ABCC8: variants seen among roughly 807,000 people sequenced by gnomAD.
ABCC8 encodes the protein ATP-binding cassette sub-family C member 8.
Under a neutral mutation model 188.0 loss-of-function variants are expected in ABCC8, and 137 were observed. That is an observed-to-expected ratio of 0.73 (90% CI 0.63 to 0.84). ABCC8 has a LOEUF of 0.84. Among genes scored for constraint, ABCC8 ranks in the 40% least tolerant of loss-of-function variants. The pLI is 0.00. For synonymous variants in ABCC8, 797 were observed against 846.5 expected, an observed-to-expected ratio of 0.94 and a Z score of 1.01; for missense variants, 1,750 against 2,072.7, an observed-to-expected ratio of 0.84 and a Z score of 3.02.
chr11:17,466,051 GC>G (rs1441857655), intron 3 of ABCC8, among the ~76,000 whole-genome samples: 3 of 152,146 alleles, frequency 2.0e-5, no homozygotes, highest in Admixed American at 2.0e-4. Context: ...TTCAATACAT[GC>G]TACAACATGG....
intron 16 of ABCC8, among the ~76,000 whole-genome samples, chr11:17,425,852 C>T (rs565003495): frequency 1.4e-5 from 2 of 145,736 alleles, no homozygotes; most frequent in South Asian, 4.4e-4. Flanking sequence ...CACCCCCAGA[C>T]AGGCCCCAGT....
chr11:17,430,336 AG>A, intron 12 of ABCC8: 3 of 284,014 alleles, frequency 1.1e-5, no homozygotes. Context: ...GCTTGGGGGA[AG>A]CTGTTTCACT....
At chr11:17,411,738 G>T (rs1954814040) in intron 21 of ABCC8, among the ~76,000 whole-genome samples, 1 of 152,094 alleles carries the variant, frequency 6.6e-6, no homozygotes, top group African/African-American at 2.4e-5. Context: ...ATTTGAACCG[G>T]GCTGGGCCTC....
At chr11:17,452,707 C>G (rs1956859274) in intron 7 of ABCC8, among the ~76,000 whole-genome samples, 1 of 152,220 alleles carries the variant, frequency 6.6e-6, no homozygotes, top group Non-Finnish European at 1.5e-5. Context: ...CCTTGTATGT[C>G]AAGCACATTC....
intron 4 of ABCC8, among the ~76,000 whole-genome samples, chr11:17,462,353 A>T (rs537075812): frequency 7.2e-5 from 11 of 152,222 alleles, no homozygotes; most frequent in Non-Finnish European, 1.5e-4. Flanking sequence ...CAGATCACCA[A>T]CTAAAAGCAG....
In ABCC8 at chr11:17,448,574, G is replaced by T; in HGVS notation, c.1274C>A (p.Thr425Asn). 6.2e-7 allele frequency: 1 copy of T among 1,614,190 alleles called. No homozygotes were observed. The highest frequency in any genetic ancestry group is 8.5e-7 in the Non-Finnish European group (1 of 1,180,048). The change falls in exon 8 of 39, where the codon ACC becomes AAC. Residue 425 changes from threonine to asparagine, a missense_variant. Transcript: ENST00000389817. ...GAAGAAAAACCACATGAGCTGATTGGTGTCGATGGCAACCAGATTACAGAT... is the reference window on the plus strand; with the variant it reads ...GAAGAAAAACCACATGAGCTGATTGTTGTCGATGGCAACCAGATTACAGAT... ...GQICNLVAID[T>N]NQLMWFFFLC...
In ABCC8 at chr11:17,407,617, G is replaced by C. The variant is rs188607903; in HGVS notation, c.2821-164C>G. 734 of 804,746 alleles carry C rather than the reference G, an allele frequency of 9.1e-4. 1 individual carries two copies. The highest frequency in any genetic ancestry group is 7.6e-3 in the African/African-American group (407 of 53,478). 49.9% of individuals were successfully genotyped at this position (804,746 alleles called of 1,614,324 possible). Reference sequence around the variant, plus strand: ...CACACATTCATCTTGCCAGGATTTAGTCCTTCCCCTTCATCAGATAATAGC... The same window carrying C: ...CACACATTCATCTTGCCAGGATTTACTCCTTCCCCTTCATCAGATAATAGC... On this transcript the variant is annotated intron_variant, in intron 23 of 38. Transcript: ENST00000389817.
In ABCC8 at chr11:17,406,948, G is replaced by C. The variant is rs749093430; in HGVS notation, c.3102C>G (p.Ala1034=). The C allele has an allele frequency of 6.2e-7, 1 of 1,614,144 alleles. No homozygotes were observed. The highest frequency in any genetic ancestry group is 1.1e-5 in the South Asian group (1 of 91,082). The change falls in exon 25 of 39, where the codon GCC becomes GCG. Residue 1034 remains alanine (A), a synonymous_variant. Transcript: ENST00000389817. ...MVLVAIDYWL[A]KWTDSALTLT... ...GGGTCAGGGCGCTGTCGGTCCACTT[G>C]GCCAGCCAGTAGTCGATGGCCACCA...
chr11:17,408,210 C>T, intron 23 of ABCC8, 182 bp downstream of exon 23: 1 of 597,300 alleles, frequency 1.7e-6, no homozygotes. Flanking sequence ...CTGATTCTGC[C>T]CTGGGCACCT....
intron 31 of ABCC8, 164 bp downstream of exon 31, chr11:17,397,520 C>G: frequency 1.4e-6 from 2 of 1,412,072 alleles, no homozygotes; most frequent in South Asian, 1.3e-5. Context: ...GGGGCCTGGG[C>G]CCTGGGGCCT....
At chr11:17,455,995 G>A (rs1956981353) in intron 6 of ABCC8, among the ~76,000 whole-genome samples, 1 of 151,050 alleles carries the variant, frequency 6.6e-6, no homozygotes, top group African/African-American at 2.4e-5. Flanking sequence ...GGCCTGCCAT[G>A]CTGCCCAAGG....
At chr11:17,475,846 TTGA>T (rs1171436134) in intron 1 of ABCC8, among the ~76,000 whole-genome samples, 1 of 152,128 alleles carries the variant, frequency 6.6e-6, no homozygotes, top group African/African-American at 2.4e-5. Flanking sequence ...ACCCTATGAG[TTGA>T]TAGACTTGAC....
At chr11:17,460,369 C>A in intron 6 of ABCC8, 119 bp downstream of exon 6, 6 of 1,476,934 alleles carry the variant, frequency 4.1e-6, no homozygotes, top group African/African-American at 1.4e-5. Context: ...ATGGGCTTTG[C>A]GCATGTGTGA....
chr11:17,430,729 C>T, intron 12 of ABCC8, 85 bp downstream of exon 12: 2 of 1,463,358 alleles, frequency 1.4e-6, no homozygotes, highest in African/African-American at 1.4e-5. Flanking sequence ...GACCAAACAG[C>T]TGTGGTTTGG....
At chr11:17,420,562 G>A (rs1270875887) in intron 16 of ABCC8, among the ~76,000 whole-genome samples, 5 of 152,194 alleles carry the variant, frequency 3.3e-5, no homozygotes, top group South Asian at 2.1e-4. Context: ...GACCAGGGCC[G>A]TCCTGAGAGA....
intron 3 of ABCC8, among the ~76,000 whole-genome samples, chr11:17,467,829 G>A (rs1252035038): frequency 1.3e-5 from 2 of 152,232 alleles, no homozygotes; most frequent in Admixed American, 6.5e-5. Flanking sequence ...CCTTTCAAGG[G>A]GAGATAACTC....
At chr11:17,396,848 A>G (rs568084091) in intron 33 of ABCC8, 68 bp downstream of exon 33, 1 of 1,595,158 alleles carries the variant, frequency 6.3e-7, no homozygotes, top group African/African-American at 1.3e-5. Flanking sequence ...GAAGCCATCC[A>G]GCTCCGTGCA....
intron 16 of ABCC8, among the ~76,000 whole-genome samples, chr11:17,419,548 G>A (rs1372890168): frequency 1.3e-5 from 2 of 152,224 alleles, no homozygotes; most frequent in Non-Finnish European, 2.9e-5. Context: ...TGGGTGATGG[G>A]ATATTAGGTG....
Position 17,413,248 on chromosome 11 carries a change from A to G in ABCC8, c.2475+146T>C, listed in dbSNP as rs56313844. On this transcript the variant is annotated intron_variant, in intron 20 of 38. Transcript: ENST00000389817. ...AAACCTGTCAAAGGACATCATCAAG[A>G]ACAACATGTTTGACCTTACTGCAGG... The G allele has an allele frequency of 6.7e-4, 863 of 1,293,696 alleles. 4 individuals are homozygous for G. The African/African-American group carries it at 0.012, about 17-fold the overall frequency. 80.1% of individuals were successfully genotyped at this position (1,293,696 alleles called of 1,614,324 possible).
Sources: gnomAD v4.1 joint callset for allele counts (sites outside exome capture counted in the v4.1 genomes callset) on GRCh38, gnomAD v4.1.1 for gene constraint, MANE v1.5 for transcripts, NCBI Gene and HGNC (gene_info 2026-07-23, HGNC 2026-07-21) for gene names.